Variants in EPHX1 observed in about 807,000 individuals in gnomAD.
EPHX1 encodes the protein epoxide hydrolase 1.
A neutral mutation model predicts 43.2 loss-of-function variants in EPHX1; 40 were observed. The observed-to-expected ratio is 0.93, with a 90% CI of 0.72 to 1.21. The LOEUF is 1.21. Ranked by LOEUF, EPHX1 falls within the 50% of genes most tolerant of loss-of-function variation. The pLI, the probability that EPHX1 is intolerant of heterozygous loss-of-function variation, is 0.00. For missense variants in EPHX1, 550 were observed against 570.4 expected (o/e 0.96, Z 0.36); for synonymous variants, 221 against 226.7 (o/e 0.98, Z 0.22).
chr1:225,828,990 G>T, intron 2 of EPHX1, 78 bp downstream of exon 2: 2 of 1,494,744 alleles, frequency 1.3e-6, no homozygotes, highest in Non-Finnish European at 1.8e-6. Context: ...TCTTAGGCCA[G>T]ATGCGGGAGG....
intron 1 of EPHX1, among the ~76,000 whole-genome samples, chr1:225,827,164 C>G (rs929895679): frequency 1.3e-5 from 2 of 152,074 alleles, no homozygotes; most frequent in Admixed American, 1.3e-4. Flanking sequence ...CAGCAGAGTC[C>G]CAAACATCTG....
In EPHX1 at chr1:225,839,872, A is replaced by G. The variant is rs1668248812; in HGVS notation, c.766A>G (p.Asn256Asp). 2 of 1,614,114 alleles carry G rather than the reference A, an allele frequency of 1.2e-6. No individual in the cohort carries two copies. The highest frequency in any genetic ancestry group is 4.5e-5 in the East Asian group (2 of 44,878). The change falls in exon 6 of 9, where the codon AAC (asparagine) becomes GAC (aspartate). Residue 256 changes from asparagine (N) to aspartate (D), a missense_variant. Transcript: ENST00000272167. Reference protein sequence around the residue: ...LHLNMALVLSNFSTLTLLLGQ... With the variant: ...LHLNMALVLSDFSTLTLLLGQ... ...CTTGAACATGGCTTTGGTTTTAAGC[A>G]ACTTCTCTACCCTGACCCTCCTCCT...
intron 1 of EPHX1, among the ~76,000 whole-genome samples, chr1:225,812,018 C>T (rs1359288754): frequency 6.6e-6 from 1 of 152,184 alleles, no homozygotes; most frequent in African/African-American, 2.4e-5. Context: ...GAAGGCCTCA[C>T]TGAAGGGTGG....
At chr1:225,834,231 C>T (rs1215806440) in intron 3 of EPHX1, among the ~76,000 whole-genome samples, 5 of 151,206 alleles carry the variant, frequency 3.3e-5, no homozygotes, top group African/African-American at 1.2e-4. Context: ...ATGGTGAAAC[C>T]CCGTCTCTAC....
chr1:225,826,216 C>G (rs938215985), intron 1 of EPHX1, among the ~76,000 whole-genome samples: 3 of 152,030 alleles, frequency 2.0e-5, no homozygotes, highest in Non-Finnish European at 2.9e-5. Flanking sequence ...CTAATCTCAT[C>G]ACTTTGGAAA....
intron 7 of EPHX1, 89 bp downstream of exon 7, chr1:225,842,563 C>A: frequency 2.1e-6 from 2 of 939,820 alleles, no homozygotes; most frequent in Non-Finnish European, 3.5e-6. Context: ...GGTTGCTCTG[C>A]ATGGGGCACT....
Position 225,842,523 on chromosome 1 carries a change from A to C in EPHX1, c.1040+49A>C, listed in dbSNP as rs773874395. On this transcript the variant is annotated intron_variant, in intron 7 of 8. Coordinates refer to ENST00000272167, the MANE Select transcript of EPHX1 (RefSeq NM_001136018.4). ...AGTCATGACCCTGGTCCCAGCAGCC[A>C]ACCTCCTCACCCTCTTCATCCCCTT... 3 of 1,290,726 alleles carry C rather than the reference A, an allele frequency of 2.3e-6. No homozygotes were observed. The East Asian group carries it at 6.9e-5, about 30-fold the overall frequency. The allele number at this position is 1,290,726 out of a possible 1,614,324, so 80.0% of individuals were successfully genotyped here.
At position 225,844,589 on chromosome 1, in the gene EPHX1, C is replaced by T. The variant is rs748986877; in HGVS notation, c.1132C>T (p.Leu378=). The change falls in exon 8 of 9, where the codon CTG becomes TTG. Residue 378 remains leucine (L), a synonymous_variant. Coordinates refer to ENST00000272167, the MANE Select transcript of EPHX1 (RefSeq NM_001136018.4). ...CTCCCAGCGCTTCTACAAGGAGAAC[C>T]TGGGACAGGGCTGGATGACCCAGAA... The part of the protein sequence containing the change: ...ISSQRFYKEN[L]GQGWMTQKHE... 5 of 1,614,022 alleles carry T rather than the reference C, an allele frequency of 3.1e-6. No individual in the cohort carries two copies. The African/African-American group carries it at 5.3e-5, about 17-fold the overall frequency.
chr1:225,831,980 C>G, intron 3 of EPHX1, 21 bp downstream of exon 3: 1 of 1,611,360 alleles, frequency 6.2e-7, no homozygotes, highest in Non-Finnish European at 8.5e-7. Context: ...AAAACGCCAG[C>G]CAGAGAGGGA....
intron 7 of EPHX1, 23 bp downstream of exon 7, chr1:225,842,497 C>T (rs1668513489): frequency 9.1e-6 from 14 of 1,540,202 alleles, no homozygotes; most frequent in Non-Finnish European, 1.2e-5. Context: ...TTTGCCCCTG[C>T]AGTCATGACC....
chr1:225,826,447 C>CAAA lies in EPHX1; in HGVS notation c.-5-2258_-5-2256dup, dbSNP rs374232833. On this transcript the variant is annotated intron_variant, in intron 1 of 8. Coordinates refer to ENST00000272167, the MANE Select transcript of EPHX1 (RefSeq NM_001136018.4). ...CACTGCACTCTTTGAGACTCTGTCT[C>CAAA]AAAAAAAAAAAAAAAAAAAAAAGGG... 2.1e-3 allele frequency among the ~76,000 whole-genome samples: 180 copies of CAAA among 83,816 alleles called. 7 individuals carry two copies. Among genetic ancestry groups the CAAA allele is most frequent in the Middle Eastern group, 8.2e-3 (1 of 122 alleles). 55.0% of individuals were successfully genotyped at this position (83,816 alleles called of 152,430 possible). A position where few individuals can be genotyped will look rare whatever the true frequency, so the allele number is the denominator to read the frequency against.
At chr1:225,823,951 C>T (rs968839333) in intron 1 of EPHX1, among the ~76,000 whole-genome samples, 8 of 152,146 alleles carry the variant, frequency 5.3e-5, no homozygotes, top group Non-Finnish European at 7.3e-5. Context: ...CACATAAAGC[C>T]GCAGCCCTGG....
rs1668781597 is a variant in EPHX1, at chr1:225,844,712, T to TG, written c.1166+92dup. The TG allele has an allele frequency of 1.5e-5, 23 of 1,575,842 alleles. No individual in the cohort carries two copies. The South Asian group carries it at 2.5e-4, about 17-fold the overall frequency. On this transcript the variant is annotated intron_variant, in intron 8 of 8. Coordinates refer to ENST00000272167, the MANE Select transcript of EPHX1 (RefSeq NM_001136018.4). Reference sequence around the variant, plus strand: ...GGGCTCCACGAAGGGCACTTGGTGGTGGGATAAGTATAGCCTTGCCTGCAG... The same window carrying TG: ...GGGCTCCACGAAGGGCACTTGGTGGTGGGGATAAGTATAGCCTTGCCTGCAG...
At position 225,838,842 on chromosome 1, in the gene EPHX1, A is replaced by T. The variant is rs779962356; in HGVS notation, c.553A>T (p.Ile185Phe). Residue 185 changes from isoleucine to phenylalanine, a missense_variant, in exon 4 of 9, where the codon ATC becomes TTC. Coordinates refer to ENST00000272167, the MANE Select transcript of EPHX1 (RefSeq NM_001136018.4). The part of the protein sequence containing the change: ...EHVFEVICPS[I>F]PGYGFSEASS... ...CGTTTTTGAAGTCATCTGCCCTTCC[A>T]TCCCTGGCTATGGCTTCTCAGAGGC... is the stretch of plus-strand genomic sequence containing the variant. The T allele has an allele frequency of 5.6e-6, 9 of 1,614,020 alleles. No individual in the cohort carries two copies. The Admixed American group carries it at 1.5e-4, about 27-fold the overall frequency.
chr1:225,836,746 C>T (rs1045739821), intron 3 of EPHX1, among the ~76,000 whole-genome samples: 6 of 152,172 alleles, frequency 3.9e-5, no homozygotes, highest in African/African-American at 1.4e-4. Flanking sequence ...TCAAACTCAG[C>T]AGAAGCAGAG....
intron 2 of EPHX1, 63 bp from the exon 3 acceptor site, chr1:225,831,716 A>G: frequency 6.4e-7 from 1 of 1,552,778 alleles, no homozygotes; most frequent in Non-Finnish European, 8.9e-7. Context: ...CTGGAAACAG[A>G]CTTTGCTCTT....
chr1:225,819,278 G>A (rs1002351052), intron 1 of EPHX1, among the ~76,000 whole-genome samples: 8 of 149,132 alleles, frequency 5.4e-5, no homozygotes, highest in African/African-American at 5.0e-5. Context: ...GGTGGCATGC[G>A]CCTGTAGTCC....
In EPHX1 at chr1:225,844,516, C is replaced by T; in HGVS notation, c.1059C>T (p.Asp353=). Residue 353 remains aspartate, a synonymous_variant, in exon 8 of 9, where the codon GAC becomes GAT. Transcript: ENST00000272167. ...GGLERKFSLD[D]LLTNVMLYWT... is the part of the protein sequence containing the mutation. The stretch of plus-strand genomic sequence containing the variant: ...TTCCCAGGAAGTTCTCCCTGGACGA[C>T]CTGCTGACCAACGTCATGCTCTACT... 1.9e-6 allele frequency: 3 copies of T among 1,614,172 alleles called. No homozygotes were observed. Among genetic ancestry groups the T allele is most frequent in the Non-Finnish European group, 2.5e-6 (3 of 1,180,018 alleles).
In EPHX1 at chr1:225,828,806, C is replaced by A; in HGVS notation, c.77C>A (p.Thr26Asn). 6.2e-7 allele frequency: 1 copy of A among 1,613,856 alleles called. No homozygotes were observed. The highest frequency in any genetic ancestry group is 1.3e-5 in the African/African-American group (1 of 75,000). ...YWFISRDKEETLPLEDGWWGP... is the reference protein window; with the variant it reads ...YWFISRDKEENLPLEDGWWGP... ...TTCATCTCCCGGGACAAAGAGGAAA[C>A]TTTGCCACTTGAAGATGGGTGGTGG... Residue 26 changes from threonine to asparagine, a missense_variant, in exon 2 of 9, where the codon ACT (threonine) becomes AAT (asparagine). Thr to Asn is a moderately conservative substitution (Grantham distance 65, BLOSUM62 0). Transcript: ENST00000272167.
Sources: gnomAD v4.1 joint callset for allele counts (sites outside exome capture counted in the v4.1 genomes callset) on GRCh38, gnomAD v4.1.1 for gene constraint, MANE v1.5 for transcripts, NCBI Gene and HGNC (gene_info 2026-07-23, HGNC 2026-07-21) for gene names.